C8orf34: variants seen among roughly 807,000 people sequenced by gnomAD.
C8orf34 encodes chromosome 8 open reading frame 34.
C8orf34 carries 65 observed loss-of-function variants against 68.3 expected under a neutral mutation model. That is an observed-to-expected ratio of 0.95 (90% confidence interval 0.78 to 1.17). The LOEUF (loss-of-function observed/expected upper bound fraction) is 1.17, where lower values mean the gene tolerates loss of function less well. C8orf34 is among the 50% of genes most tolerant of loss of function. C8orf34 has a pLI of 0.00. For missense variants in C8orf34, 664 were observed against 655.4 expected (o/e 1.01, Z -0.14); for synonymous variants, 244 against 241.2 (o/e 1.01, Z -0.11).
chr8:68,373,968 C>A (rs749435296), intron 1 of C8orf34, among the ~76,000 whole-genome samples: 6 of 152,234 alleles, frequency 3.9e-5, no homozygotes, highest in South Asian at 2.1e-4. Flanking sequence ...CAGGCTAAAG[C>A]ACAATGGCAT....
chr8:68,459,261 ACT>A (rs1421908863), intron 3 of C8orf34, among the ~76,000 whole-genome samples: 1 of 151,850 alleles, frequency 6.6e-6, no homozygotes, highest in African/African-American at 2.4e-5. Context: ...ATGGAGTCTC[ACT>A]CTGTCACCCA....
At chr8:68,703,834 C>G (rs1232927547) in intron 8 of C8orf34, among the ~76,000 whole-genome samples, 1 of 152,010 alleles carries the variant, frequency 6.6e-6, no homozygotes, top group Non-Finnish European at 1.5e-5. Context: ...GGTCAAACAA[C>G]CACTCACACA....
chr8:68,517,927 C>T (rs779703603), intron 5 of C8orf34, among the ~76,000 whole-genome samples: 6 of 152,156 alleles, frequency 3.9e-5, no homozygotes, highest in Non-Finnish European at 7.4e-5. Context: ...TAAAATGAAA[C>T]TTTATAGGAT....
Position 68,417,685 on chromosome 8 carries a change from C to A in C8orf34, c.328-21814C>A, listed in dbSNP as rs546007091. ...ACTAAGAAAAACTAGAATACCTGGT[C>A]AAAATAAAGAAAATATCTGTTCAGT... On this transcript the variant is annotated intron_variant, in intron 1 of 13. Coordinates refer to ENST00000518698, the MANE Select transcript of C8orf34 (RefSeq NM_052958.4). Among the ~76,000 whole-genome samples, 47 of 152,186 alleles carry A rather than the reference C, an allele frequency of 3.1e-4. 1 individual carries two copies.
intron 1 of C8orf34, among the ~76,000 whole-genome samples, chr8:68,379,272 A>G (rs1213773676): frequency 6.6e-6 from 1 of 152,208 alleles, no homozygotes; most frequent in Non-Finnish European, 1.5e-5. Context: ...TTGCACCTTT[A>G]AGAAATTCCA....
intron 10 of C8orf34, among the ~76,000 whole-genome samples, chr8:68,771,480 C>T (rs1823333554): frequency 6.6e-6 from 1 of 152,094 alleles, no homozygotes; most frequent in Non-Finnish European, 1.5e-5. Context: ...TCTGAAGATA[C>T]AGCACACATT....
At chr8:68,499,250 A>T (rs554210592) in intron 5 of C8orf34, among the ~76,000 whole-genome samples, 10 of 152,172 alleles carry the variant, frequency 6.6e-5, no homozygotes, top group Admixed American at 2.0e-4. Flanking sequence ...GTTGCAAAGG[A>T]CAAGATTTTG....
chr8:68,594,769 C>T (rs1334094075), intron 7 of C8orf34, among the ~76,000 whole-genome samples: 1 of 152,034 alleles, frequency 6.6e-6, no homozygotes, highest in Non-Finnish European at 1.5e-5. Context: ...GAACAGTGAA[C>T]TTAACCCATG....
intron 1 of C8orf34, among the ~76,000 whole-genome samples, chr8:68,372,853 T>G (rs1023227804): frequency 5.3e-5 from 8 of 152,202 alleles, no homozygotes; most frequent in Admixed American, 5.2e-4. Context: ...CATGCGATGT[T>G]TGGTTTTCTG....
At chr8:68,816,130 G>GTT (rs1554617700) in intron 13 of C8orf34, among the ~76,000 whole-genome samples, 185 bp downstream of exon 13, 11 of 134,844 alleles carry the variant, frequency 8.2e-5, no homozygotes, top group African/African-American at 3.3e-4. Flanking sequence ...GTGTGTGTGT[G>GTT]TGTTTCTCTG....
At chr8:68,397,164 C>A (rs2129621097) in intron 1 of C8orf34, among the ~76,000 whole-genome samples, 1 of 152,058 alleles carries the variant, frequency 6.6e-6, no homozygotes, top group Non-Finnish European at 1.5e-5. Context: ...TGCCACCACA[C>A]CTGACTAACT....
chr8:68,384,884 TAG>T (rs1216986646), intron 1 of C8orf34, among the ~76,000 whole-genome samples: 1 of 152,178 alleles, frequency 6.6e-6, no homozygotes, highest in African/African-American at 2.4e-5. Flanking sequence ...CATGAGAGTG[TAG>T]AGTGATTCAA....
At chr8:68,806,495 A>G (rs1824490129) in intron 12 of C8orf34, among the ~76,000 whole-genome samples, 1 of 152,150 alleles carries the variant, frequency 6.6e-6, no homozygotes, top group African/African-American at 2.4e-5. Context: ...AGATAAAATG[A>G]TATCTGTCAT....
chr8:68,569,399 C>G lies in C8orf34; in HGVS notation c.1105+36250C>G, dbSNP rs115211004. Among the ~76,000 whole-genome samples the G allele has an allele frequency of 8.2e-3, 1,251 of 152,322 alleles. 20 individuals are homozygous for G. Among genetic ancestry groups the G allele is most frequent in the African/African-American group, 0.028 (1,179 of 41,574 alleles). On this transcript the variant is annotated intron_variant, in intron 7 of 13. Coordinates refer to ENST00000518698, the MANE Select transcript of C8orf34 (RefSeq NM_052958.4). ...GGACCAAGAAGTAGGAGACAGCAAACACAAACAGGAACCCACAGAGACCAA... is the reference window on the plus strand; with the variant it reads ...GGACCAAGAAGTAGGAGACAGCAAAGACAAACAGGAACCCACAGAGACCAA...
chr8:68,514,920 A>G (rs1018031733), intron 5 of C8orf34, among the ~76,000 whole-genome samples: 1 of 152,194 alleles, frequency 6.6e-6, no homozygotes, highest in Non-Finnish European at 1.5e-5. Flanking sequence ...ATAGTAGGAG[A>G]TAATTTTAAG....
chr8:68,334,976 G>A (rs949856574), intron 1 of C8orf34, among the ~76,000 whole-genome samples: 8 of 152,192 alleles, frequency 5.3e-5, no homozygotes, highest in South Asian at 2.1e-4. Context: ...CCCTCAGCAA[G>A]CCCATTATTT....
rs557536376 is a variant in C8orf34 at position 68,743,055 on chromosome 8, TCTGA to T, written c.1404+21621_1404+21624del. Among the ~76,000 whole-genome samples, 261 of 152,306 alleles carry T rather than the reference TCTGA, an allele frequency of 1.7e-3. 1 individual carries two copies. The highest frequency in any genetic ancestry group is 6.2e-3 in the African/African-American group (258 of 41,570). On this transcript the variant is annotated intron_variant, in intron 10 of 13. Coordinates refer to ENST00000518698, the MANE Select transcript of C8orf34 (RefSeq NM_052958.4). ...TTTTATTCTCATCTTGCACACTCTC[TCTGA>T]CTAATTCCATTCACAGCCATGATTT...
chr8:68,592,226 T>C (rs1029599072), intron 7 of C8orf34, among the ~76,000 whole-genome samples: 1 of 74,892 alleles, frequency 1.3e-5, no homozygotes, highest in Non-Finnish European at 2.9e-5. Flanking sequence ...ATATATTTAA[T>C]TTTTTATTCC....
At chr8:68,465,108 AAAAC>A (rs1184026421) in intron 3 of C8orf34, among the ~76,000 whole-genome samples, 2 of 152,162 alleles carry the variant, frequency 1.3e-5, no homozygotes, top group Admixed American at 1.3e-4. Context: ...TTACAAGAAA[AAAAC>A]AAACAACTCC....
Sources: allele counts gnomAD v4.1 joint callset (sites outside exome capture counted in the v4.1 genomes callset), GRCh38; gene constraint gnomAD v4.1.1; transcripts MANE v1.5; gene names NCBI Gene and HGNC (gene_info 2026-07-23, HGNC 2026-07-21).